The following SYF2 variants were observed in gnomAD, a reference collection of about 807,000 sequenced individuals.
The protein encoded by SYF2 is SYF2 pre-mRNA splicing factor, also known as pre-mRNA-splicing factor SYF2.
Under a neutral mutation model 32.7 loss-of-function variants are expected in SYF2, and 21 were observed. That is an observed-to-expected ratio of 0.64 (90% CI 0.45 to 0.92). The LOEUF is 0.92. SYF2 is among the 40% of genes least tolerant of loss of function. The pLI, the probability that SYF2 is intolerant of heterozygous loss-of-function variation, is 0.00. For synonymous variants in SYF2, 114 were observed against 103.9 expected (o/e 1.10, Z -0.59); for missense variants, 278 against 296.5 (o/e 0.94, Z 0.46).
chr1:25,231,883 T>G lies in SYF2; in HGVS notation c.132+221A>C, dbSNP rs1331438969. On this transcript the variant is annotated intron_variant, in intron 2 of 6. Transcript: ENST00000236273. ...TAACCCAGATACATTAAATTGGATG[T>G]GGGTGGGAGAGGGGCTGGAGTGAAC... 4 of 609,628 alleles carry G rather than the reference T, an allele frequency of 6.6e-6. No individual in the cohort carries two copies. In the Admixed American group the frequency reaches 7.7e-5, roughly 12 times the overall value. 37.8% of individuals were successfully genotyped at this position (609,628 alleles called of 1,614,324 possible).
In SYF2 at chr1:25,232,135, A is replaced by G; in HGVS notation, c.101T>C (p.Leu34Pro). 6.2e-7 allele frequency: 1 copy of G among 1,614,048 alleles called. No individual in the cohort carries two copies. The highest frequency in any genetic ancestry group is 8.5e-7 in the Non-Finnish European group (1 of 1,180,008). Residue 34 changes from leucine to proline, a missense_variant, in exon 2 of 7, where the codon CTG becomes CCG. Transcript: ENST00000236273. The part of the protein sequence containing the change: ...ELAAQKREQR[L>P]RKFRELHLMR... ...CAGGTGCAGCTCCCGGAATTTGCGC[A>G]GTCTCTGTTCGCGCTTCTGAGCGGC...
chr1:25,231,328 C>T (rs1450394797), intron 2 of SYF2: 1 of 152,244 alleles, frequency 6.6e-6, no homozygotes, highest in Non-Finnish European at 1.5e-5. Context: ...GAAACAGGGG[C>T]TGCTTTTCTC....
chr1:25,224,222 C>A (rs561835521), intron 6 of SYF2, among the ~76,000 whole-genome samples: 40 of 152,120 alleles, frequency 2.6e-4, no homozygotes, highest in African/African-American at 7.9e-4. Flanking sequence ...TAAATAATAA[C>A]CACAGCTAAT....
chr1:25,229,223 G>T (rs960289496), intron 2 of SYF2, 100 bp from the exon 3 acceptor site: 2 of 1,385,326 alleles, frequency 1.4e-6, no homozygotes, highest in Admixed American at 4.7e-5. Context: ...ATATTAATAA[G>T]CTGACCCCAT....
intron 6 of SYF2, among the ~76,000 whole-genome samples, chr1:25,224,347 T>C (rs1055294626): frequency 2.0e-5 from 3 of 152,144 alleles, no homozygotes; most frequent in African/African-American, 7.2e-5. Flanking sequence ...CCTCCACTTC[T>C]TGGACTCAAG....
At chr1:25,226,396 G>A (rs889282246) in intron 5 of SYF2, among the ~76,000 whole-genome samples, 1 of 152,196 alleles carries the variant, frequency 6.6e-6, no homozygotes, top group Non-Finnish European at 1.5e-5. Flanking sequence ...TATGAAAAGA[G>A]GCTTCATTTA....
intron 2 of SYF2, 113 bp downstream of exon 2, chr1:25,231,991 G>A (rs1189998684): frequency 1.9e-6 from 2 of 1,036,214 alleles, no homozygotes; most frequent in Non-Finnish European, 3.0e-6. Flanking sequence ...CCTCTCAGAT[G>A]ATCCTGCTCT....
chr1:25,230,316 G>C (rs1442432211), intron 2 of SYF2: 2 of 151,108 alleles, frequency 1.3e-5, no homozygotes, highest in Non-Finnish European at 2.9e-5. Context: ...TTGGAGCTGG[G>C]GTAGCAGGGA....
At chr1:25,228,088 TCAA>T in intron 4 of SYF2, 27 bp downstream of exon 4, 1 of 1,545,498 alleles carries the variant, frequency 6.5e-7, no homozygotes, top group Non-Finnish European at 8.9e-7. Context: ...AACAGCCCAG[TCAA>T]TAAGGTTCAA....
At chr1:25,229,843 G>A (rs1373314620) in intron 2 of SYF2, among the ~76,000 whole-genome samples, 2 of 149,400 alleles carry the variant, frequency 1.3e-5, no homozygotes, top group African/African-American at 4.9e-5. Flanking sequence ...TTGAGACAGA[G>A]TCTCACTCTG....
intron 3 of SYF2, 67 bp downstream of exon 3, chr1:25,228,931 T>G: frequency 1.3e-6 from 2 of 1,554,292 alleles, no homozygotes; most frequent in South Asian, 1.2e-5. Flanking sequence ...ACAACCACCA[T>G]GTTGTAGTGT....
At chr1:25,227,682 A>G in intron 4 of SYF2, 150 bp from the exon 5 acceptor site, 1 of 667,020 alleles carries the variant, frequency 1.5e-6, no homozygotes, top group South Asian at 2.1e-5. Context: ...ATTTTGGAAT[A>G]TCTTTATTAT....
At chr1:25,223,522 GA>G in intron 6 of SYF2, 91 bp from the exon 7 acceptor site, 2 of 1,318,556 alleles carry the variant, frequency 1.5e-6, no homozygotes, top group Non-Finnish European at 2.1e-6. Flanking sequence ...ATCACGTTTA[GA>G]ATAGCACATG....
intron 3 of SYF2, among the ~76,000 whole-genome samples, chr1:25,228,451 T>TA (rs1220625787): frequency 1.3e-5 from 2 of 152,074 alleles, no homozygotes; most frequent in Admixed American, 6.6e-5. Flanking sequence ...TCTCATCTCT[T>TA]AGCCTCCCAA....
chr1:25,230,963 C>T (rs569928613), intron 2 of SYF2: 24 of 152,076 alleles, frequency 1.6e-4, no homozygotes, highest in Non-Finnish European at 3.2e-4. Flanking sequence ...CCCGCCAGCA[C>T]GCCCGGCTAA....
intron 2 of SYF2, among the ~76,000 whole-genome samples, chr1:25,229,762 G>C (rs192067250): frequency 6.8e-6 from 1 of 147,418 alleles, no homozygotes. Flanking sequence ...GTGACAGAGC[G>C]AGACTCCATC....
chr1:25,228,893 TG>T, intron 3 of SYF2, 104 bp downstream of exon 3: 1 of 1,394,792 alleles, frequency 7.2e-7, no homozygotes, highest in Non-Finnish European at 9.7e-7. Context: ...ATTTCAATTC[TG>T]GCAGCTTGGC....
At chr1:25,227,586 C>T (rs1638538733) in intron 4 of SYF2, 54 bp from the exon 5 acceptor site, 4 of 1,490,080 alleles carry the variant, frequency 2.7e-6, no homozygotes, top group Non-Finnish European at 3.7e-6. Context: ...TTGGACCTTC[C>T]TATTGAGAGA....
chr1:25,229,691 C>T (rs1000904486), intron 2 of SYF2, among the ~76,000 whole-genome samples: 1 of 151,732 alleles, frequency 6.6e-6, no homozygotes, highest in Admixed American at 6.6e-5. Context: ...AGGAGATTCA[C>T]TTGAACCCAG....
Sources: gnomAD v4.1 joint callset for allele counts (sites outside exome capture counted in the v4.1 genomes callset) on GRCh38, gnomAD v4.1.1 for gene constraint, MANE v1.5 for transcripts, NCBI Gene and HGNC (gene_info 2026-07-23, HGNC 2026-07-21) for gene names.